CYP27A1: variants seen among roughly 807,000 people sequenced by gnomAD.
CYP27A1 encodes the protein sterol 26-hydroxylase, mitochondrial.
In CYP27A1, 46 loss-of-function variants were observed where a neutral mutation model predicts 58.2. The ratio of observed to expected loss-of-function variants is 0.79; its 90% CI spans 0.62 to 1.01. CYP27A1 has a LOEUF of 1.01. Among genes scored for constraint, CYP27A1 ranks in the 50% least tolerant of loss-of-function variants. The probability of loss-of-function intolerance (pLI) is 0.00; values close to 1 mark genes in which losing one functional copy is unlikely to be tolerated. For synonymous variants in CYP27A1, 274 were observed against 285.1 expected (o/e 0.96, Z 0.39); for missense variants, 704 against 687.0 (o/e 1.02, Z -0.28).
chr2:218,798,417 A>G (rs539334050), intron 1 of CYP27A1, among the ~76,000 whole-genome samples: 26 of 152,350 alleles, frequency 1.7e-4, no homozygotes, highest in African/African-American at 6.3e-4. Context: ...GGCAATTTTA[A>G]CTTTAATGTA....
intron 1 of CYP27A1, among the ~76,000 whole-genome samples, chr2:218,795,733 AT>A (rs1943541980): frequency 6.6e-6 from 1 of 152,214 alleles, no homozygotes; most frequent in Non-Finnish European, 1.5e-5. Context: ...TTAATTACAA[AT>A]GTATAAGTTT....
rs923201483 is a variant in CYP27A1 at position 218,782,312 on chromosome 2, C to A, written c.130C>A (p.Pro44Thr). The change falls in exon 1 of 9, where the codon CCC becomes ACC. Residue 44 changes from proline to threonine, a missense_variant. By Grantham distance (38) the Pro-to-Thr change is conservative. Transcript: ENST00000258415. This position sits in a 1 kb window ranked among gnomAD's most constrained non-coding sequence, Gnocchi z 4.1. ...ALPSDKATGAPGAGPGVRRRQ... is the reference protein window; with the variant it reads ...ALPSDKATGATGAGPGVRRRQ... The stretch of plus-strand genomic sequence containing the variant: ...CCCCTCGGACAAGGCCACCGGAGCT[C>A]CCGGAGCCGGGCCTGGTGTCCGGCG... 6.2e-7 allele frequency: 1 copy of A among 1,610,594 alleles called. No homozygotes were observed. The highest frequency in any genetic ancestry group is 1.1e-5 in the South Asian group (1 of 90,616).
chr2:218,796,418 C>A (rs902876915), intron 1 of CYP27A1, among the ~76,000 whole-genome samples: 9 of 151,968 alleles, frequency 5.9e-5, no homozygotes, highest in African/African-American at 1.5e-4. Flanking sequence ...CATGGTGAAA[C>A]CCCCGTCTCT....
chr2:218,801,453 C>G (rs971592181), intron 1 of CYP27A1, among the ~76,000 whole-genome samples: 15 of 152,060 alleles, frequency 9.9e-5, no homozygotes, highest in Non-Finnish European at 2.2e-4. Context: ...TTGCAGTGAG[C>G]TGACATGGTG....
intron 1 of CYP27A1, among the ~76,000 whole-genome samples, chr2:218,791,088 G>A (rs573429456): frequency 2.0e-5 from 3 of 152,106 alleles, no homozygotes; most frequent in Middle Eastern, 3.4e-3. Context: ...CAACCGCCTC[G>A]GCCTCCCAAA....
Position 218,815,174 on chromosome 2 carries a change from T to A in CYP27A1, c.*144T>A. ...TGGGAGGAACTCCTTGCACACACCC[T>A]GAGCTTTTGCCACTTCTATCATTTT... On this transcript the variant is annotated 3_prime_UTR_variant, in exon 9 of 9. Coordinates refer to ENST00000258415, the MANE Select transcript of CYP27A1 (RefSeq NM_000784.4). 2.1e-6 allele frequency: 2 copies of A among 937,530 alleles called. No homozygotes were observed. Among genetic ancestry groups the A allele is most frequent in the South Asian group, 2.9e-5 (2 of 68,678 alleles). 58.1% of individuals were successfully genotyped at this position (937,530 alleles called of 1,614,324 possible).
intron 1 of CYP27A1, among the ~76,000 whole-genome samples, chr2:218,801,944 C>T (rs1403262020): frequency 6.7e-6 from 1 of 148,220 alleles, no homozygotes. Context: ...CTTGCCAGGC[C>T]CTGGGCTTTG....
At chr2:218,797,531 A>G (rs1320645280) in intron 1 of CYP27A1, among the ~76,000 whole-genome samples, 1 of 152,228 alleles carries the variant, frequency 6.6e-6, no homozygotes, top group African/African-American at 2.4e-5. Flanking sequence ...CAATCTCTAA[A>G]CATGACAAAT....
Position 218,814,563 on chromosome 2 carries a change from C to T in CYP27A1, c.1282C>T (p.His428Tyr), listed in dbSNP as rs749202662. 2 of 1,614,206 alleles carry T rather than the reference C, an allele frequency of 1.2e-6. No homozygotes were observed. Among genetic ancestry groups the T allele is most frequent in the East Asian group, 2.2e-5 (1 of 44,882 alleles). The change falls in exon 8 of 9, where the codon CAC becomes TAC. Residue 428 changes from histidine to tyrosine, a missense_variant. His to Tyr is a moderately conservative substitution (Grantham distance 83). Transcript: ENST00000258415. ...FPKNTQFVFCHYVVSRDPTAF... is the reference protein window; with the variant it reads ...FPKNTQFVFCYYVVSRDPTAF... ...TTTATAGACCCAGTTTGTGTTCTGC[C>T]ACTATGTGGTGTCCCGGGACCCCAC...
At chr2:218,805,157 G>C (rs1358668010) in intron 1 of CYP27A1, among the ~76,000 whole-genome samples, 1 of 152,188 alleles carries the variant, frequency 6.6e-6, no homozygotes, top group Non-Finnish European at 1.5e-5. Flanking sequence ...GTCCAAAACA[G>C]AGGTTATTGT....
intron 1 of CYP27A1, among the ~76,000 whole-genome samples, chr2:218,796,363 C>T (rs566001862): frequency 1.8e-4 from 28 of 152,250 alleles, no homozygotes; most frequent in African/African-American, 6.0e-4. Context: ...GGGGCTGAGG[C>T]GGATGGATCA....
At position 218,812,662 on chromosome 2, in the gene CYP27A1, T is replaced by C; in HGVS notation, c.757T>C (p.Tyr253His). 6.2e-7 allele frequency: 1 copy of C among 1,614,234 alleles called. No individual in the cohort carries two copies. The highest frequency in any genetic ancestry group is 1.3e-5 in the African/African-American group (1 of 75,064). The change falls in exon 4 of 9, where the codon TAT becomes CAT. Residue 253 changes from tyrosine (Y) to histidine (H), a missense_variant. Physicochemically the swap from Tyr to His is moderately conservative, Grantham distance 83 (BLOSUM62 2). Coordinates refer to ENST00000258415, the MANE Select transcript of CYP27A1 (RefSeq NM_000784.4). ...CGGGTTAATGTTCCAGAACTCACTC[T>C]ATGCCACCTTCCTCCCCAAGTGGAC... ...SIGLMFQNSL[Y>H]ATFLPKWTRP...
intron 1 of CYP27A1, among the ~76,000 whole-genome samples, chr2:218,792,272 T>A (rs1943501229): frequency 6.6e-6 from 1 of 152,350 alleles, no homozygotes; most frequent in African/African-American, 2.4e-5. Context: ...ATAGCACTAA[T>A]AATTGATAAG....
rs775813515 is a variant in CYP27A1, at chr2:218,809,782, G to A, written c.446+15G>A. On this transcript the variant is annotated intron_variant, in intron 2 of 8. Coordinates refer to ENST00000258415, the MANE Select transcript of CYP27A1 (RefSeq NM_000784.4). ...CCGTTCACCACGTGAGCTGGGGCCT[G>A]AAGGGACTGGAACAGGGCCCCAGAG... 2.5e-6 allele frequency: 4 copies of A among 1,610,268 alleles called. No individual in the cohort carries two copies. Among genetic ancestry groups the A allele is most frequent in the South Asian group, 1.1e-5 (1 of 90,742 alleles).
chr2:218,806,875 A>G (rs4674345), intron 1 of CYP27A1, among the ~76,000 whole-genome samples: 69,495 of 151,518 alleles, frequency 0.46, 16,429 homozygotes, highest in Non-Finnish European at 0.5. Context: ...CTCTATGGAA[A>G]CACGTGCAAT....
intron 1 of CYP27A1, among the ~76,000 whole-genome samples, chr2:218,795,960 C>G (rs1438692460): frequency 6.6e-6 from 1 of 152,116 alleles, no homozygotes; most frequent in Non-Finnish European, 1.5e-5. Flanking sequence ...AAGCTGAGCC[C>G]AGCCATGGGT....
At position 218,812,227 on chromosome 2, in the gene CYP27A1, G is replaced by A; in HGVS notation, c.452G>A (p.Gly151Glu). 1 of 1,613,996 alleles carries A rather than the reference G, an allele frequency of 6.2e-7. No individual in the cohort carries two copies. Residue 151 changes from glycine (G) to glutamate (E), a missense_variant, in exon 3 of 9, where the codon GGA becomes GAA. Coordinates refer to ENST00000258415, the MANE Select transcript of CYP27A1 (RefSeq NM_000784.4). The stretch of plus-strand genomic sequence containing the variant: ...GTTCCTCTGCGTCCCTGCAGGGAAG[G>A]ACACCACTGGTACCAGCTGCGCCAG... ...DLTYGPFTTE[G>E]HHWYQLRQAL...
chr2:218,811,049 G>A (rs1378353348), intron 2 of CYP27A1, among the ~76,000 whole-genome samples: 1 of 152,176 alleles, frequency 6.6e-6, no homozygotes. Flanking sequence ...TACTCAGGAG[G>A]CTGAGGCAGG....
intron 2 of CYP27A1, 66 bp downstream of exon 2, chr2:218,809,833 A>G (rs1943694195): frequency 6.8e-7 from 1 of 1,462,102 alleles, no homozygotes; most frequent in Non-Finnish European, 9.4e-7. Context: ...CAGTGGGCAC[A>G]GGGCAGGCAG....
Sources: gnomAD v4.1 joint callset for allele counts (sites outside exome capture counted in the v4.1 genomes callset) on GRCh38, gnomAD v4.1.1 for gene constraint, Gnocchi (gnomAD v3.1) non-coding constraint, MANE v1.5 for transcripts, NCBI Gene and HGNC (gene_info 2026-07-23, HGNC 2026-07-21) for gene names.